SLC10A7: variants seen among roughly 807,000 people sequenced by gnomAD.
SLC10A7 encodes the protein solute carrier family 10 member 7.
SLC10A7 carries 29 observed loss-of-function variants against 43.2 expected under a neutral mutation model. That is an observed-to-expected ratio of 0.67 (90% CI 0.50 to 0.92). The LOEUF (loss-of-function observed/expected upper bound fraction) is 0.92, where lower values mean the gene tolerates loss of function less well. Among genes scored for constraint, SLC10A7 ranks in the 40% least tolerant of loss-of-function variants. SLC10A7 has a pLI of 0.00. For synonymous variants in SLC10A7, 152 were observed against 144.8 expected, an observed-to-expected ratio of 1.05 and a Z score of -0.35; for missense variants, 295 against 403.2, an observed-to-expected ratio of 0.73 and a Z score of 2.30.
intron 4 of SLC10A7, among the ~76,000 whole-genome samples, chr4:146,478,501 A>G (rs1453470621): frequency 6.6e-6 from 1 of 152,234 alleles, no homozygotes. Flanking sequence ...AATGTTAATC[A>G]TAGAATATTA....
intron 6 of SLC10A7, among the ~76,000 whole-genome samples, chr4:146,325,314 T>C (rs889563362): frequency 6.6e-6 from 1 of 152,226 alleles, no homozygotes; most frequent in Non-Finnish European, 1.5e-5. Flanking sequence ...ATTTCTATTA[T>C]AATCTTTCAT....
chr4:146,477,460 T>C (rs1268902161), intron 4 of SLC10A7, among the ~76,000 whole-genome samples: 3 of 152,232 alleles, frequency 2.0e-5, no homozygotes, highest in African/African-American at 7.2e-5. Flanking sequence ...GTTTTACTCA[T>C]CCCTTGCATA....
intron 5 of SLC10A7, among the ~76,000 whole-genome samples, chr4:146,335,650 C>G (rs1477599566): frequency 6.6e-6 from 1 of 151,974 alleles, no homozygotes; most frequent in African/African-American, 2.4e-5. Flanking sequence ...AGTTATCAAG[C>G]CCATTATTGC....
intron 5 of SLC10A7, among the ~76,000 whole-genome samples, chr4:146,331,411 GT>G (rs1306136499): frequency 6.6e-6 from 1 of 152,132 alleles, no homozygotes; most frequent in African/African-American, 2.4e-5. Flanking sequence ...GATGGAAATG[GT>G]TTCTGTCTAG....
intron 6 of SLC10A7, among the ~76,000 whole-genome samples, chr4:146,315,038 A>T (rs190564409): frequency 3.3e-5 from 5 of 152,240 alleles, no homozygotes; most frequent in Admixed American, 3.3e-4. Context: ...GCTTCCTTTC[A>T]TTCCTCTTCT....
rs185911361 is a variant in SLC10A7, at chr4:146,385,482, G to A, written c.435+57301C>T. On this transcript the variant is annotated intron_variant, in intron 5 of 11. Coordinates refer to ENST00000335472, the MANE Select transcript of SLC10A7 (RefSeq NM_001029998.6). ...TTTTGATTCTCCTGTGTCATTTCAT[G>A]TCATATGTTTCGCTTTATTTTTTCC... Among the ~76,000 whole-genome samples, 283 of 152,138 alleles carry A rather than the reference G, an allele frequency of 1.9e-3. 2 individuals carry two copies. Among genetic ancestry groups the A allele is most frequent in the Middle Eastern group, 0.017 (5 of 294 alleles).
intron 10 of SLC10A7, among the ~76,000 whole-genome samples, chr4:146,270,730 A>G (rs1013398004): frequency 1.3e-5 from 2 of 152,144 alleles, no homozygotes; most frequent in African/African-American, 2.4e-5. Flanking sequence ...ATCTATGTGA[A>G]CTGGGGTGAG....
intron 6 of SLC10A7, among the ~76,000 whole-genome samples, chr4:146,310,298 C>T (rs534419277): frequency 2.0e-4 from 30 of 152,168 alleles, no homozygotes; most frequent in Admixed American, 1.6e-3. Flanking sequence ...GTGTATGTAT[C>T]TTTTTGATAG....
rs1183725688 is a variant in SLC10A7, at chr4:146,282,779, C to T, written c.847+413G>A. ...TGTCAATATCAAATTAGAGTAATAA[C>T]ATTATTCCCACCTTGCTCTGAGCTG... is the stretch of plus-strand genomic sequence containing the variant. On this transcript the variant is annotated intron_variant, in intron 10 of 11. Coordinates refer to ENST00000335472, the MANE Select transcript of SLC10A7 (RefSeq NM_001029998.6). Among the ~76,000 whole-genome samples the T allele has an allele frequency of 3.3e-5, 5 of 152,168 alleles. No individual in the cohort carries two copies. In the South Asian group the frequency reaches 8.3e-4, roughly 25 times the overall value.
At chr4:146,290,876 A>G (rs1312289899) in intron 9 of SLC10A7, among the ~76,000 whole-genome samples, 4 of 152,162 alleles carry the variant, frequency 2.6e-5, no homozygotes, top group Admixed American at 2.6e-4. Flanking sequence ...AAACCAAACC[A>G]AACCAAAACA....
intron 4 of SLC10A7, among the ~76,000 whole-genome samples, chr4:146,503,444 G>A (rs1736602009): frequency 6.6e-6 from 1 of 152,120 alleles, no homozygotes; most frequent in East Asian, 1.9e-4. Context: ...ATCCTCACTT[G>A]CCATTAAACA....
At chr4:146,263,716 T>C (rs914633523) in intron 10 of SLC10A7, among the ~76,000 whole-genome samples, 3 of 152,212 alleles carry the variant, frequency 2.0e-5, no homozygotes, top group East Asian at 3.8e-4. Flanking sequence ...TATGCACGCA[T>C]TTACAATTTT....
intron 5 of SLC10A7, among the ~76,000 whole-genome samples, chr4:146,338,972 A>C (rs972547263): frequency 5.9e-5 from 9 of 151,970 alleles, no homozygotes; most frequent in African/African-American, 1.9e-4. Flanking sequence ...TTTTTGAAAA[A>C]GCAAGGCAGA....
Position 146,442,765 on chromosome 4 carries a change from T to C in SLC10A7, c.435+18A>G, listed in dbSNP as rs1211048186. ...ACAGCAAAAGTTGTAATAGACAAGT[T>C]AAACTATGTTTACTTACCAAAAAAC... On this transcript the variant is annotated intron_variant, in intron 5 of 11. Transcript: ENST00000335472. The C allele has an allele frequency of 6.2e-7, 1 of 1,602,776 alleles. No individual in the cohort carries two copies.
chr4:146,257,142 T>A (rs1441664536), intron 11 of SLC10A7, among the ~76,000 whole-genome samples: 2 of 152,198 alleles, frequency 1.3e-5, no homozygotes, highest in African/African-American at 4.8e-5. Flanking sequence ...AAAATTTACA[T>A]GTACAAATTC....
intron 5 of SLC10A7, among the ~76,000 whole-genome samples, chr4:146,370,766 C>T (rs2630279): frequency 0.82 from 124,427 of 152,170 alleles, 51,697 homozygotes; most frequent in African/African-American, 0.95. Flanking sequence ...CTCTTATTTA[C>T]GTTTCCGAAA....
intron 10 of SLC10A7, among the ~76,000 whole-genome samples, chr4:146,260,247 AC>A (rs1728139998): frequency 6.6e-6 from 1 of 152,190 alleles, no homozygotes; most frequent in Admixed American, 6.5e-5. Flanking sequence ...AGCATCTGAT[AC>A]TATAGTTTTG....
chr4:146,373,979 T>A (rs1472539218), intron 5 of SLC10A7, among the ~76,000 whole-genome samples: 1 of 152,138 alleles, frequency 6.6e-6, no homozygotes, highest in Non-Finnish European at 1.5e-5. Context: ...TATGTACAGA[T>A]TGGTTACCTA....
chr4:146,296,628 T>C (rs1730803009), intron 7 of SLC10A7, among the ~76,000 whole-genome samples: 1 of 152,182 alleles, frequency 6.6e-6, no homozygotes, highest in Non-Finnish European at 1.5e-5. Context: ...GAAAGCAGAT[T>C]GTCTTTCACC....
Sources: allele counts gnomAD v4.1 joint callset (sites outside exome capture counted in the v4.1 genomes callset), GRCh38; gene constraint gnomAD v4.1.1; transcripts MANE v1.5; gene names NCBI Gene and HGNC (gene_info 2026-07-23, HGNC 2026-07-21).